The following IGFBP7 variants were observed in gnomAD, a reference collection of about 807,000 sequenced individuals.
IGFBP7 encodes the protein insulin like growth factor binding protein 7.
IGFBP7 carries 31 observed loss-of-function variants against 29.4 expected under a neutral mutation model. That is an observed-to-expected ratio of 1.05 (90% CI 0.79 to 1.42). The LOEUF (loss-of-function observed/expected upper bound fraction) is 1.42, where lower values mean the gene tolerates loss of function less well. Ranked by LOEUF, IGFBP7 falls within the 40% of genes most tolerant of loss-of-function variation. The pLI, the probability that IGFBP7 is intolerant of heterozygous loss-of-function variation, is 0.00. For synonymous variants in IGFBP7, 172 were observed against 174.9 expected, an observed-to-expected ratio of 0.98 and a Z score of 0.13; for missense variants, 393 against 395.5, an observed-to-expected ratio of 0.99 and a Z score of 0.05.
chr4:57,083,596 G>A (rs1281621921), intron 1 of IGFBP7, among the ~76,000 whole-genome samples: 1 of 152,072 alleles, frequency 6.6e-6, no homozygotes, highest in East Asian at 1.9e-4. Flanking sequence ...TTCCTGTTTT[G>A]TTTATGGTTT....
chr4:57,043,045 C>T (rs758114981), intron 1 of IGFBP7, among the ~76,000 whole-genome samples: 3 of 152,188 alleles, frequency 2.0e-5, no homozygotes, highest in South Asian at 2.1e-4. Flanking sequence ...TTGCTGACTG[C>T]GCCTGTCCCC....
At chr4:57,046,414 G>T (rs1258491343) in intron 1 of IGFBP7, among the ~76,000 whole-genome samples, 3 of 152,058 alleles carry the variant, frequency 2.0e-5, no homozygotes, top group Admixed American at 1.3e-4. Context: ...CTTCCAAGAA[G>T]GGCAAGGCAG....
chr4:57,051,251 G>T (rs1025459969), intron 1 of IGFBP7, among the ~76,000 whole-genome samples: 3 of 152,226 alleles, frequency 2.0e-5, no homozygotes, highest in African/African-American at 7.2e-5. Context: ...TTAAAGAGCA[G>T]AGCCATCTGC....
chr4:57,109,489 C>T (rs980904807), intron 1 of IGFBP7, among the ~76,000 whole-genome samples: 9 of 152,110 alleles, frequency 5.9e-5, no homozygotes, highest in South Asian at 2.1e-4. Flanking sequence ...AAACTCCTTT[C>T]CCCCATCTCT....
Position 57,110,137 on chromosome 4 carries a change from C to T in IGFBP7, c.215G>A (p.Gly72Glu), listed in dbSNP as rs1380091273. Residue 72 changes from glycine to glutamate, a missense_variant, in exon 1 of 5, where the codon GGG (glycine) becomes GAG (glutamate). By Grantham distance (98) the Gly-to-Glu change is moderately conservative (BLOSUM62 -2). Transcript: ENST00000295666. ...GTACCCCCTGCCGGCGCCGCCACCC[C>T]CGCACGGCTCGCCCTCGCCGCGGGC... ...MCARGEGEPC[G>E]GGGAGRGYCA... 5 of 1,493,332 alleles carry T rather than the reference C, an allele frequency of 3.3e-6. No individual in the cohort carries two copies. Among genetic ancestry groups the T allele is most frequent in the Non-Finnish European group, 4.4e-6 (5 of 1,128,704 alleles). 92.5% of individuals were successfully genotyped at this position (1,493,332 alleles called of 1,614,324 possible). A position where few individuals can be genotyped will look rare whatever the true frequency, so the allele number is the denominator to read the frequency against.
chr4:57,033,307 T>C lies in IGFBP7; in HGVS notation c.590A>G (p.Lys197Arg). 2 of 1,609,754 alleles carry C rather than the reference T, an allele frequency of 1.2e-6. No homozygotes were observed. Among genetic ancestry groups the C allele is most frequent in the Non-Finnish European group, 1.7e-6 (2 of 1,176,070 alleles). The change falls in exon 3 of 5, where the codon AAA (lysine) becomes AGA (arginine). Residue 197 changes from lysine to arginine, a missense_variant. Coordinates refer to ENST00000295666, the MANE Select transcript of IGFBP7 (RefSeq NM_001553.3). Reference sequence around the variant, plus strand: ...CCTTTGAACTCCATAGTGACCCCTTTTTACCTGCAAAAACAAAAGGAGAGT... The same window carrying C: ...CCTTTGAACTCCATAGTGACCCCTTCTTACCTGCAAAAACAAAAGGAGAGT... ...PTPVLIWNKV[K>R]RGHYGVQRTE...
intron 1 of IGFBP7, among the ~76,000 whole-genome samples, chr4:57,043,654 C>T (rs961301174): frequency 2.0e-5 from 3 of 152,038 alleles, no homozygotes; most frequent in Non-Finnish European, 4.4e-5. Context: ...TTGGAAAGCT[C>T]TAAATACATT....
intron 1 of IGFBP7, among the ~76,000 whole-genome samples, chr4:57,050,945 T>C (rs1724490472): frequency 6.6e-6 from 1 of 152,174 alleles, no homozygotes; most frequent in Non-Finnish European, 1.5e-5. Context: ...ACACTCACCT[T>C]GACTCTTGAT....
intron 1 of IGFBP7, among the ~76,000 whole-genome samples, chr4:57,043,822 C>T (rs1188846167): frequency 6.6e-6 from 1 of 152,180 alleles, no homozygotes; most frequent in Non-Finnish European, 1.5e-5. Flanking sequence ...CTGGATGCAG[C>T]AATACAGAAC....
At chr4:57,086,359 G>T (rs78012194) in intron 1 of IGFBP7, among the ~76,000 whole-genome samples, 5,705 of 152,270 alleles carry the variant, frequency 0.037, 133 homozygotes, top group South Asian at 0.054. Flanking sequence ...AGCCCCGGCT[G>T]GGGGTTTTGA....
intron 1 of IGFBP7, among the ~76,000 whole-genome samples, chr4:57,103,050 A>G (rs1345791845): frequency 6.6e-6 from 1 of 152,138 alleles, no homozygotes; most frequent in Non-Finnish European, 1.5e-5. Flanking sequence ...AATAAGAAAA[A>G]GCTCCACAAG....
chr4:57,109,457 C>T (rs1726118172), intron 1 of IGFBP7, among the ~76,000 whole-genome samples: 1 of 152,000 alleles, frequency 6.6e-6, no homozygotes, highest in Non-Finnish European at 1.5e-5. Flanking sequence ...GTCTGGAAGT[C>T]CTTACTTTAT....
chr4:57,062,556 C>A (rs1724823858), intron 1 of IGFBP7, among the ~76,000 whole-genome samples: 1 of 152,128 alleles, frequency 6.6e-6, no homozygotes, highest in South Asian at 2.1e-4. Context: ...TGGATGATAA[C>A]CCCATCGTGG....
chr4:57,083,988 G>T (rs1725436060), intron 1 of IGFBP7, among the ~76,000 whole-genome samples: 1 of 152,138 alleles, frequency 6.6e-6, no homozygotes, highest in East Asian at 1.9e-4. Flanking sequence ...ATTACTTTGT[G>T]TGAAAAGCAT....
At chr4:57,100,967 G>A (rs1232123612) in intron 1 of IGFBP7, among the ~76,000 whole-genome samples, 1 of 152,210 alleles carries the variant, frequency 6.6e-6, no homozygotes. Context: ...TAGCATATGA[G>A]GAAAATCCAC....
rs59173874 is a variant in IGFBP7, at chr4:57,103,660, C to CTTTTTTTTTTTTTTTTTTTTTTT, written c.475+6216_475+6217insAAAAAAAAAAAAAAAAAAAAAAA. 1.9e-3 allele frequency among the ~76,000 whole-genome samples: 162 copies of CTTTTTTTTTTTTTTTTTTTTTTT among 86,492 alleles called. 4 individuals carry two copies. Among genetic ancestry groups the CTTTTTTTTTTTTTTTTTTTTTTT allele is most frequent in the Admixed American group, 2.8e-3 (15 of 5,366 alleles). 56.7% of individuals were successfully genotyped at this position (86,492 alleles called of 152,430 possible). On this transcript the variant is annotated intron_variant, in intron 1 of 4. Transcript: ENST00000295666. Reference sequence around the variant, plus strand: ...AACTTTTCTTTTTTTTTTTTCTTTTCTTTTTTTTTTTTTTTTGAGGCAGGG... The same window carrying CTTTTTTTTTTTTTTTTTTTTTTT: ...AACTTTTCTTTTTTTTTTTTCTTTTCTTTTTTTTTTTTTTTTTTTTTTTTTTTTTTTTTTTTTTTGAGGCAGGG...
intron 1 of IGFBP7, among the ~76,000 whole-genome samples, chr4:57,095,304 C>T (rs1196110531): frequency 6.6e-6 from 1 of 152,150 alleles, no homozygotes; most frequent in African/African-American, 2.4e-5. Context: ...TGGAGGCTTG[C>T]AGGAACCTAA....
chr4:57,038,237 G>T (rs1000432331), intron 2 of IGFBP7, among the ~76,000 whole-genome samples: 1 of 152,238 alleles, frequency 6.6e-6, no homozygotes, highest in Non-Finnish European at 1.5e-5. Flanking sequence ...CCCTTCGTGG[G>T]ATTTTCACAA....
At chr4:57,077,310 G>T (rs1266174993) in intron 1 of IGFBP7, among the ~76,000 whole-genome samples, 1 of 152,106 alleles carries the variant, frequency 6.6e-6, no homozygotes, top group African/African-American at 2.4e-5. Context: ...GTCTCACTCT[G>T]TCTGTCGCCC....
Sources: gnomAD v4.1 joint callset for allele counts (sites outside exome capture counted in the v4.1 genomes callset) on GRCh38, gnomAD v4.1.1 for gene constraint, MANE v1.5 for transcripts, NCBI Gene and HGNC (gene_info 2026-07-23, HGNC 2026-07-21) for gene names.